SNX29: variants seen among roughly 807,000 people sequenced by gnomAD.
The protein encoded by SNX29 is sorting nexin 29, also known as sorting nexin-29.
Under a neutral mutation model 102.1 loss-of-function variants are expected in SNX29, and 78 were observed. That is an observed-to-expected ratio of 0.76 (90% CI 0.64 to 0.92). SNX29 has a LOEUF of 0.92. Among genes scored for constraint, SNX29 ranks in the 40% least tolerant of loss-of-function variants. The probability of loss-of-function intolerance (pLI) is 0.00; values close to 1 mark genes in which losing one functional copy is unlikely to be tolerated. For missense variants in SNX29, 1,280 were observed against 1,061.7 expected, an observed-to-expected ratio of 1.21 and a Z score of -2.86; for synonymous variants, 580 against 414.5, an observed-to-expected ratio of 1.40 and a Z score of -4.85.
chr16:12,496,392 C>T (rs1372750828), intron 19 of SNX29, among the ~76,000 whole-genome samples: 8 of 152,050 alleles, frequency 5.3e-5, no homozygotes, highest in East Asian at 1.9e-4. Context: ...CTTTATCTCA[C>T]GCTTCCTCGT....
At chr16:12,288,406 T>C (rs2079673121) in intron 15 of SNX29, among the ~76,000 whole-genome samples, 1 of 152,176 alleles carries the variant, frequency 6.6e-6, no homozygotes, top group Non-Finnish European at 1.5e-5. Flanking sequence ...TACCTACAAA[T>C]GTGACTGCAA....
chr16:12,281,329 C>T (rs2079423631), intron 15 of SNX29, among the ~76,000 whole-genome samples: 2 of 152,112 alleles, frequency 1.3e-5, no homozygotes, highest in Admixed American at 1.3e-4. Flanking sequence ...GCATGAAAGC[C>T]AACTCATCTA....
At chr16:12,475,689 C>T (rs1004728059) in intron 18 of SNX29, among the ~76,000 whole-genome samples, 10 of 152,198 alleles carry the variant, frequency 6.6e-5, no homozygotes, top group Non-Finnish European at 1.5e-4. Flanking sequence ...AAGTGTTGAA[C>T]AGCTCATGTA....
intron 20 of SNX29, among the ~76,000 whole-genome samples, chr16:12,536,375 T>G (rs566366014): frequency 1.3e-5 from 2 of 152,072 alleles, no homozygotes; most frequent in South Asian, 4.2e-4. Flanking sequence ...AAAGCTTGTT[T>G]ATGACTTTCA....
intron 13 of SNX29, among the ~76,000 whole-genome samples, chr16:12,170,459 A>G (rs1409493346): frequency 6.6e-6 from 1 of 151,830 alleles, no homozygotes; most frequent in Non-Finnish European, 1.5e-5. Context: ...TGAGGTCATC[A>G]GTGGGGGAGG....
At chr16:12,054,235 G>C (rs947711844) in intron 8 of SNX29, among the ~76,000 whole-genome samples, 4 of 152,200 alleles carry the variant, frequency 2.6e-5, no homozygotes, top group Non-Finnish European at 5.9e-5. Context: ...CAAAGTGCTG[G>C]GATTACAGGC....
Position 12,568,683 on chromosome 16 carries a change from C to T in SNX29, c.*54C>T, listed in dbSNP as rs570250100. 165 of 1,583,246 alleles carry T rather than the reference C, an allele frequency of 1.0e-4. No individual in the cohort carries two copies. The highest frequency in any genetic ancestry group is 1.4e-4 in the Non-Finnish European group (159 of 1,170,148). On this transcript the variant is annotated 3_prime_UTR_variant, in exon 21 of 21. Coordinates refer to ENST00000566228, the MANE Select transcript of SNX29 (RefSeq NM_032167.5). ...GTGCGTGGCACCAGCTGCGTCCACC[C>T]CAGCCACTGCCGCTGGCCCCTCACC...
chr16:12,541,011 T>A (rs778302867), intron 20 of SNX29, among the ~76,000 whole-genome samples: 9 of 152,324 alleles, frequency 5.9e-5, no homozygotes, highest in Admixed American at 1.3e-4. Context: ...GCGGGTTTCC[T>A]GGGACAGCAA....
At chr16:12,540,583 A>G (rs2077287396) in intron 20 of SNX29, among the ~76,000 whole-genome samples, 1 of 152,138 alleles carries the variant, frequency 6.6e-6, no homozygotes, top group Non-Finnish European at 1.5e-5. Context: ...CTTCCCAGCA[A>G]TTACTCTGGG....
intron 18 of SNX29, among the ~76,000 whole-genome samples, chr16:12,435,170 C>T (rs1049067474): frequency 9.9e-5 from 15 of 152,166 alleles, no homozygotes; most frequent in Admixed American, 5.2e-4. Flanking sequence ...CTCTGCCTCT[C>T]CGTCTTTCTT....
intron 15 of SNX29, among the ~76,000 whole-genome samples, chr16:12,298,331 T>C (rs1290330325): frequency 6.6e-6 from 1 of 152,190 alleles, no homozygotes; most frequent in Non-Finnish European, 1.5e-5. Context: ...GATAATTTCC[T>C]TAGACTCCTC....
At chr16:12,429,372 A>AT (rs1468802509) in intron 18 of SNX29, among the ~76,000 whole-genome samples, 2 of 152,008 alleles carry the variant, frequency 1.3e-5, no homozygotes, top group South Asian at 2.1e-4. Flanking sequence ...TCTTCTGTGC[A>AT]TTTTTTTCTT....
intron 18 of SNX29, among the ~76,000 whole-genome samples, chr16:12,425,402 A>C (rs145442850): frequency 6.6e-6 from 1 of 152,034 alleles, no homozygotes; most frequent in Non-Finnish European, 1.5e-5. Context: ...GATGATGCCC[A>C]TGTATTTATC....
chr16:12,555,039 G>C (rs553250653), intron 20 of SNX29, among the ~76,000 whole-genome samples: 2 of 151,746 alleles, frequency 1.3e-5, no homozygotes, highest in Admixed American at 6.5e-5. Flanking sequence ...TGGTGCCACC[G>C]AGCAGCCTCA....
At chr16:12,390,623 C>T (rs540750426) in intron 16 of SNX29, among the ~76,000 whole-genome samples, 3 of 152,256 alleles carry the variant, frequency 2.0e-5, no homozygotes, top group South Asian at 2.1e-4. Flanking sequence ...TCATTCTGGG[C>T]GAGGGCTGCC....
At chr16:12,068,214 C>CA (rs1241272435) in intron 9 of SNX29, among the ~76,000 whole-genome samples, 1 of 152,080 alleles carries the variant, frequency 6.6e-6, no homozygotes, top group Non-Finnish European at 1.5e-5. Flanking sequence ...CAGTTGCTCA[C>CA]ATCTGTAATC....
chr16:12,563,810 C>A (rs1304304528), intron 20 of SNX29, among the ~76,000 whole-genome samples: 1 of 152,196 alleles, frequency 6.6e-6, no homozygotes, highest in Non-Finnish European at 1.5e-5. Flanking sequence ...CACCCATTTG[C>A]TGCTTTTTAT....
At chr16:12,263,448 A>G (rs1476020603) in intron 14 of SNX29, among the ~76,000 whole-genome samples, 1 of 152,076 alleles carries the variant, frequency 6.6e-6, no homozygotes, top group East Asian at 1.9e-4. Flanking sequence ...GAATAGTTGT[A>G]TGGACCCGAT....
intron 16 of SNX29, among the ~76,000 whole-genome samples, chr16:12,376,949 C>G (rs897229824): frequency 6.6e-6 from 1 of 152,066 alleles, no homozygotes; most frequent in Non-Finnish European, 1.5e-5. Flanking sequence ...GAATTTTACT[C>G]TGTCTTGGCT....
Sources: allele counts gnomAD v4.1 joint callset (sites outside exome capture counted in the v4.1 genomes callset), GRCh38; gene constraint gnomAD v4.1.1; transcripts MANE v1.5; gene names NCBI Gene and HGNC (gene_info 2026-07-23, HGNC 2026-07-21).